AGTPBP1: variants seen among roughly 807,000 people sequenced by gnomAD.
The protein encoded by AGTPBP1 is ATP/GTP binding carboxypeptidase 1.
Under a neutral mutation model 143.9 loss-of-function variants are expected in AGTPBP1, and 70 were observed. That is an observed-to-expected ratio of 0.49 (90% CI 0.40 to 0.59). The LOEUF is 0.59. AGTPBP1 is among the 20% of genes least tolerant of loss of function. AGTPBP1 has a pLI of 0.00. For missense variants in AGTPBP1, 1,229 were observed against 1,464.5 expected (o/e 0.84, Z 2.62); for synonymous variants, 463 against 500.2 (o/e 0.93, Z 0.99).
At chr9:85,800,510 C>T in the AGTPBP1 span, among the ~76,000 whole-genome samples, 12 of 152,188 alleles carry the variant, frequency 7.9e-5, no homozygotes, top group Non-Finnish European at 1.6e-4. Context: ...TTTTATTCAG[C>T]GGGGATCTCT....
chr9:85,576,760 A>G (rs1827927298), intron 24 of AGTPBP1, among the ~76,000 whole-genome samples: 1 of 152,132 alleles, frequency 6.6e-6, no homozygotes, highest in African/African-American at 2.4e-5. Flanking sequence ...TTTCCACTCA[A>G]TTTTGCTGTG....
At chr9:85,752,776 G>A in the AGTPBP1 span, among the ~76,000 whole-genome samples, 7 of 152,260 alleles carry the variant, frequency 4.6e-5, no homozygotes, top group South Asian at 1.5e-3. Context: ...GGAAGTTGAG[G>A]CTGGAGCATC....
Position 85,588,360 on chromosome 9 carries a change from T to C in AGTPBP1, c.2841A>G (p.Leu947=). Residue 947 remains leucine (L), a synonymous_variant, in exon 21 of 26, where the codon TTA becomes TTG. Coordinates refer to ENST00000357081, the MANE Select transcript of AGTPBP1 (RefSeq NM_001330701.2). The stretch of plus-strand genomic sequence containing the variant: ...CAATTTTAAAAATATAAGATTCTCG[T>C]AAGCTCTGAGCAGTGGGGTTATTGC... ...LMSNNPTAQS[L]RESYIFKIVP... is the part of the protein sequence containing the mutation. The C allele has an allele frequency of 6.2e-7, 1 of 1,611,800 alleles. No homozygotes were observed. Among genetic ancestry groups the C allele is most frequent in the South Asian group, 1.1e-5 (1 of 90,686 alleles).
upstream of AGTPBP1, among the ~76,000 whole-genome samples, chr9:85,744,394 G>C (rs1206503540): frequency 6.6e-6 from 1 of 152,102 alleles, no homozygotes; most frequent in African/African-American, 2.4e-5. Context: ...TCTATACATT[G>C]TGAACCTAAG....
At chr9:85,580,820 G>A (rs1828210085) in intron 23 of AGTPBP1, among the ~76,000 whole-genome samples, 1 of 152,148 alleles carries the variant, frequency 6.6e-6, no homozygotes, top group Non-Finnish European at 1.5e-5. Flanking sequence ...AATCTTATCT[G>A]ACTAAAAGAC....
the AGTPBP1 span, among the ~76,000 whole-genome samples, chr9:85,760,348 A>G: frequency 6.6e-6 from 1 of 152,212 alleles, no homozygotes; most frequent in Non-Finnish European, 1.5e-5. Flanking sequence ...ATCCTTGATG[A>G]ACATCGATGC....
intron 23 of AGTPBP1, among the ~76,000 whole-genome samples, chr9:85,579,547 C>T (rs532396132): frequency 2.0e-5 from 3 of 150,106 alleles, no homozygotes; most frequent in African/African-American, 7.4e-5. Flanking sequence ...CAGTTTCACC[C>T]GAAAGCATAA....
At chr9:85,572,024 T>G (rs1181430013) in intron 25 of AGTPBP1, among the ~76,000 whole-genome samples, 5 of 76,700 alleles carry the variant, frequency 6.5e-5, no homozygotes, top group African/African-American at 3.8e-4. Context: ...TTTTTTTTTT[T>G]TTTTTTTTTT....
At chr9:85,675,650 C>G (rs1300216285) in intron 6 of AGTPBP1, among the ~76,000 whole-genome samples, 1 of 152,188 alleles carries the variant, frequency 6.6e-6, no homozygotes, top group African/African-American at 2.4e-5. Flanking sequence ...TGACCCAAAA[C>G]TTTTTCTTTT....
intron 25 of AGTPBP1, among the ~76,000 whole-genome samples, chr9:85,567,690 A>G (rs116207307): frequency 0.026 from 4,009 of 152,322 alleles, 68 homozygotes; most frequent in Middle Eastern, 0.058. Context: ...CTCCCAGGAG[A>G]TAAGTTCTGG....
Position 85,553,920 on chromosome 9 carries a change from A to T in AGTPBP1, c.3504-6634T>A, listed in dbSNP as rs935083676. On this transcript the variant is annotated intron_variant, in intron 25 of 25. Coordinates refer to ENST00000357081, the MANE Select transcript of AGTPBP1 (RefSeq NM_001330701.2). Reference sequence around the variant, plus strand: ...CTCAGCTGCACACATCCATAAAAGGATCATAATACCATCTGTCTCTGATCA... The same window carrying T: ...CTCAGCTGCACACATCCATAAAAGGTTCATAATACCATCTGTCTCTGATCA... The T allele has an allele frequency of 6.6e-5, 10 of 152,300 alleles. No homozygotes were observed. In the South Asian group the frequency reaches 1.9e-3, roughly 28 times the overall value. The allele number at this position is 152,300 out of a possible 1,614,324, so 9.4% of individuals were successfully genotyped here. A position where few individuals can be genotyped will look rare whatever the true frequency, so the allele number is the denominator to read the frequency against.
Position 85,630,391 on chromosome 9 carries a change from C to CTTACTTATTTATTTATTTATTTAT in AGTPBP1, c.2015+2270_2015+2271insATAAATAAATAAATAAATAAGTAA, listed in dbSNP as rs777830669. On this transcript the variant is annotated intron_variant, in intron 14 of 25. Transcript: ENST00000357081. The stretch of plus-strand genomic sequence containing the variant: ...CAGGATTGACTTACTTACTTACTTA[C>CTTACTTATTTATTTATTTATTTAT]TTATTTATTTAGTTATTTATTTATT... Among the ~76,000 whole-genome samples, 887 of 151,478 alleles carry CTTACTTATTTATTTATTTATTTAT rather than the reference C, an allele frequency of 5.9e-3. 4 individuals carry two copies. The highest frequency in any genetic ancestry group is 0.041 in the Middle Eastern group (12 of 294).
chr9:85,572,741 G>A (rs1045883567), intron 25 of AGTPBP1, among the ~76,000 whole-genome samples: 1 of 152,144 alleles, frequency 6.6e-6, no homozygotes, highest in Non-Finnish European at 1.5e-5. Context: ...GTTAAAAGGA[G>A]GCTTAAATAT....
chr9:85,721,469 A>T (rs1311945982), intron 1 of AGTPBP1, among the ~76,000 whole-genome samples: 1 of 147,742 alleles, frequency 6.8e-6, no homozygotes, highest in Non-Finnish European at 1.5e-5. Flanking sequence ...GTTTTATCAG[A>T]GACTAGGATT....
At chr9:85,678,436 C>A in intron 4 of AGTPBP1, 38 bp from the exon 5 acceptor site, 1 of 1,383,630 alleles carries the variant, frequency 7.2e-7, no homozygotes, top group Non-Finnish European at 9.9e-7. Flanking sequence ...ACATTGTAAA[C>A]TTTTGATTCC....
At chr9:85,641,495 C>T (rs1195608296) in intron 13 of AGTPBP1, among the ~76,000 whole-genome samples, 2 of 151,898 alleles carry the variant, frequency 1.3e-5, no homozygotes, top group African/African-American at 4.8e-5. Flanking sequence ...TTCATTCCTG[C>T]CTTCCTTCTA....
intron 3 of AGTPBP1, among the ~76,000 whole-genome samples, chr9:85,691,421 T>A (rs1244544370): frequency 2.0e-5 from 3 of 152,088 alleles, no homozygotes; most frequent in Non-Finnish European, 4.4e-5. Context: ...ATGAAATTTT[T>A]AAAAATTAAA....
chr9:85,805,312 C>A, the AGTPBP1 span: 1 of 151,110 alleles, frequency 6.6e-6, no homozygotes, highest in Admixed American at 6.6e-5. Context: ...TCCGCCCGGG[C>A]TTCCCGCTAC....
intron 2 of AGTPBP1, among the ~76,000 whole-genome samples, chr9:85,703,847 C>G (rs62570562): frequency 0.015 from 2,254 of 152,142 alleles, 23 homozygotes; most frequent in Middle Eastern, 0.037. Flanking sequence ...ATTTAGAGGT[C>G]CTACAGAGGA....
Sources: allele counts gnomAD v4.1 joint callset (sites outside exome capture counted in the v4.1 genomes callset), GRCh38; gene constraint gnomAD v4.1.1; transcripts MANE v1.5; gene names NCBI Gene and HGNC (gene_info 2026-07-23, HGNC 2026-07-21).